The following HSPG2 variants were observed in gnomAD, a reference collection of about 807,000 sequenced individuals.
HSPG2 encodes the protein basement membrane-specific heparan sulfate proteoglycan core protein.
HSPG2 carries 278 observed loss-of-function variants against 526.6 expected under a neutral mutation model. The ratio of observed to expected loss-of-function variants is 0.53; its 90% CI spans 0.48 to 0.58. The LOEUF (loss-of-function observed/expected upper bound fraction) is 0.58, where lower values mean the gene tolerates loss of function less well. HSPG2 is among the 20% of genes least tolerant of loss of function. HSPG2 has a pLI of 0.00. For synonymous variants in HSPG2, 2,465 were observed against 2,555.4 expected (o/e 0.96, Z 1.07); for missense variants, 5,354 against 6,099.5 (o/e 0.88, Z 4.07).
At chr1:21,875,261 A>G (rs921900305) in intron 25 of HSPG2, 12 of 599,568 alleles carry the variant, frequency 2.0e-5, no homozygotes, top group Non-Finnish European at 3.3e-5. Context: ...AGGCTGATAC[A>G]GGCTACAAGA....
intron 33 of HSPG2, among the ~76,000 whole-genome samples, chr1:21,871,649 C>G (rs1640661442): frequency 6.6e-6 from 1 of 152,152 alleles, no homozygotes; most frequent in Admixed American, 6.5e-5. Context: ...TTACCAAGCC[C>G]CTCTTGCCTT....
rs1237529428 is a variant in HSPG2 at position 21,872,409 on chromosome 1, T to A, written c.4030-32A>T. The A allele has an allele frequency of 6.5e-7, 1 of 1,538,664 alleles. No homozygotes were observed. The highest frequency in any genetic ancestry group is 2.0e-5 in the Admixed American group (1 of 51,018). On this transcript the variant is annotated intron_variant, in intron 32 of 96. Transcript: ENST00000374695. This position sits in a 1 kb window ranked among gnomAD's most constrained non-coding sequence, Gnocchi z 5.5. ...GGGGAAAAAGGAGGGGGCGTCAGCC[T>A]GAGCACCGGGGTGCCTTGGTGGGGG...
In HSPG2 at chr1:21,834,750, G is replaced by A. The variant is rs777977385; in HGVS notation, c.10649C>T (p.Ala3550Val). The change falls in exon 77 of 97, where the codon GCG (alanine) becomes GTG (valine). Residue 3550 changes from alanine (A) to valine (V), a missense_variant. Physicochemically the swap from Ala to Val is moderately conservative, Grantham distance 64. Coordinates refer to ENST00000374695, the MANE Select transcript of HSPG2 (RefSeq NM_005529.7). ...VRIAHVELAD[A>V]GQYRCTATNA... Reference sequence around the variant, plus strand: ...GGTGGCAGTGCAGCGATACTGTCCCGCATCAGCCAGCTCTACGTGGGCGAT... The same window carrying A: ...GGTGGCAGTGCAGCGATACTGTCCCACATCAGCCAGCTCTACGTGGGCGAT... 23 of 1,614,046 alleles carry A rather than the reference G, an allele frequency of 1.4e-5. No individual in the cohort carries two copies. Among genetic ancestry groups the A allele is most frequent in the South Asian group, 3.3e-5 (3 of 91,092 alleles).
intron 13 of HSPG2, among the ~76,000 whole-genome samples, chr1:21,882,610 G>A (rs1283067959): frequency 6.6e-6 from 1 of 152,144 alleles, no homozygotes; most frequent in East Asian, 1.9e-4. Context: ...GCCATTAAAA[G>A]TAATGGTACC....
chr1:21,899,644 G>A (rs1365135114), intron 1 of HSPG2, among the ~76,000 whole-genome samples: 2 of 152,188 alleles, frequency 1.3e-5, no homozygotes, highest in African/African-American at 4.8e-5. Flanking sequence ...ATCACTGGGA[G>A]TCACTCTTGC....
chr1:21,917,158 G>C (rs576252018), intron 1 of HSPG2, among the ~76,000 whole-genome samples: 1 of 152,016 alleles, frequency 6.6e-6, no homozygotes, highest in Non-Finnish European at 1.5e-5. Flanking sequence ...ATGGCTGGGC[G>C]CGGTGGCACA....
At position 21,890,861 on chromosome 1, in the gene HSPG2, G is replaced by A. The variant is rs1032300619; in HGVS notation, c.245-167C>T. 6.6e-6 allele frequency among the ~76,000 whole-genome samples: 1 copy of A among 152,218 alleles called. No homozygotes were observed. The highest frequency in any genetic ancestry group is 6.5e-5 in the Admixed American group (1 of 15,288). ...CCCAGGACTGCCTGTAGGTATACAT[G>A]CTCAGGGGTCAATGCCAAGGCCCCA... On this transcript the variant is annotated intron_variant, in intron 3 of 96. Coordinates refer to ENST00000374695, the MANE Select transcript of HSPG2 (RefSeq NM_005529.7). This position sits in a 1 kb window ranked among gnomAD's most constrained non-coding sequence, Gnocchi z 4.1.
At chr1:21,921,063 G>A (rs1644025555) in intron 1 of HSPG2, among the ~76,000 whole-genome samples, 1 of 152,194 alleles carries the variant, frequency 6.6e-6, no homozygotes, top group Non-Finnish European at 1.5e-5. Flanking sequence ...TATAACAATT[G>A]CTGCCATTCC....
chr1:21,929,622 CAA>C (rs1019234543), intron 1 of HSPG2, among the ~76,000 whole-genome samples: 8 of 135,698 alleles, frequency 5.9e-5, no homozygotes, highest in African/African-American at 1.9e-4. Context: ...ATTGTCCAAA[CAA>C]GAGATCGTAA....
intron 1 of HSPG2, among the ~76,000 whole-genome samples, chr1:21,917,568 T>C (rs1162553236): frequency 1.3e-5 from 2 of 152,214 alleles, no homozygotes; most frequent in Non-Finnish European, 2.9e-5. Context: ...GAATCTTCAA[T>C]GGCAAAAAAG....
rs369682924 is a variant in HSPG2, at chr1:21,852,044, A to G, written c.6870+44T>C. The stretch of plus-strand genomic sequence containing the variant: ...TCAGCCTAGGGGCCAGGATCCTGCA[A>G]CCCACTGTCCATGGCCCCGTCCCAC... On this transcript the variant is annotated intron_variant, in intron 53 of 96. Transcript: ENST00000374695. 2.3e-5 allele frequency: 37 copies of G among 1,611,738 alleles called. No homozygotes were observed. In the East Asian group the frequency reaches 5.6e-4, roughly 24 times the overall value.
In HSPG2 at chr1:21,854,834, C is replaced by T; in HGVS notation, c.6133+14G>A. The T allele has an allele frequency of 6.2e-7, 1 of 1,613,626 alleles. No individual in the cohort carries two copies. The highest frequency in any genetic ancestry group is 8.5e-7 in the Non-Finnish European group (1 of 1,179,812). On this transcript the variant is annotated intron_variant, in intron 48 of 96. Coordinates refer to ENST00000374695, the MANE Select transcript of HSPG2 (RefSeq NM_005529.7). The stretch of plus-strand genomic sequence containing the variant: ...CTTGCCCTCCCCACCCCTCCATTCC[C>T]AGAGAGTCCGTACCTGAAAGGACAA...
chr1:21,888,458 A>C (rs1270407606), intron 6 of HSPG2, among the ~76,000 whole-genome samples: 1 of 152,070 alleles, frequency 6.6e-6, no homozygotes. Context: ...TCCTTTAAAA[A>C]ATTTTTTTCT....
intron 1 of HSPG2, among the ~76,000 whole-genome samples, chr1:21,921,578 C>T (rs1644039897): frequency 6.6e-6 from 1 of 152,210 alleles, no homozygotes; most frequent in South Asian, 2.1e-4. Flanking sequence ...TGACATACCT[C>T]GGGTGCAACC....
intron 1 of HSPG2, among the ~76,000 whole-genome samples, chr1:21,924,991 T>C (rs1401670276): frequency 1.3e-5 from 2 of 152,186 alleles, no homozygotes; most frequent in Non-Finnish European, 2.9e-5. Context: ...TGGGCACTTA[T>C]AGCTTACGAG....
At position 21,854,924 on chromosome 1, in the gene HSPG2, G is replaced by A. The variant is rs201990135; in HGVS notation, c.6057C>T (p.Asp2019=). ...TGGCCACGCAGAGGTAGAAGCCGGC[G>A]TCAGCAGTCGTGATGGCTGGGATGA... ...TLLIPAITTA[D]AGFYLCVATS... is the part of the protein sequence containing the mutation. Residue 2019 remains aspartate, a synonymous_variant, in exon 48 of 97, where the codon GAC becomes GAT. Coordinates refer to ENST00000374695, the MANE Select transcript of HSPG2 (RefSeq NM_005529.7). 112 of 1,614,014 alleles carry A rather than the reference G, an allele frequency of 6.9e-5. No individual in the cohort carries two copies. The highest frequency in any genetic ancestry group is 3.3e-4 in the Middle Eastern group (2 of 6,080).
Position 21,824,366 on chromosome 1 carries a change from T to C in HSPG2, c.12755A>G (p.Glu4252Gly), listed in dbSNP as rs779272529. ...GATGAAGTCCTTGCCTTGGCCGGCC[T>C]CTCCCACCTCCTGCCAGGGAAGCAC... ...LLLWQGVEVG[E>G]AGQGKDFISL... The change falls in exon 94 of 97, where the codon GAG becomes GGG. Residue 4252 changes from glutamate to glycine, a missense_variant. Transcript: ENST00000374695. The surrounding 1 kb of genome is among the most constrained non-coding windows in gnomAD (Gnocchi z 5.9). 96 of 1,613,570 alleles carry C rather than the reference T, an allele frequency of 5.9e-5. No homozygotes were observed. Among genetic ancestry groups the C allele is most frequent in the Non-Finnish European group, 8.0e-5 (94 of 1,179,968 alleles).
Position 21,859,538 on chromosome 1 carries a change from C to T in HSPG2, c.5293+28G>A, listed in dbSNP as rs1319441346. ...TGCAGCCCAGCCCAGGACAGGCAGT[C>T]TTGGTTACAGGGGGCGTAGGGACTC... On this transcript the variant is annotated intron_variant, in intron 42 of 96. Coordinates refer to ENST00000374695, the MANE Select transcript of HSPG2 (RefSeq NM_005529.7). This position sits in a 1 kb window ranked among gnomAD's most constrained non-coding sequence, Gnocchi z 5.3. 5 of 1,524,164 alleles carry T rather than the reference C, an allele frequency of 3.3e-6. No individual in the cohort carries two copies. In the Middle Eastern group the frequency reaches 5.0e-4, roughly 154 times the overall value. 94.4% of individuals were successfully genotyped at this position (1,524,164 alleles called of 1,614,324 possible).
intron 6 of HSPG2, among the ~76,000 whole-genome samples, chr1:21,889,095 T>C (rs1295895638): frequency 1.3e-5 from 2 of 152,066 alleles, no homozygotes; most frequent in East Asian, 1.9e-4. Context: ...TTGGCTTTAA[T>C]TGAGGTGCGG....
Sources: allele counts gnomAD v4.1 joint callset (sites outside exome capture counted in the v4.1 genomes callset), GRCh38; gene constraint gnomAD v4.1.1; non-coding constraint Gnocchi (gnomAD v3.1); transcripts MANE v1.5; gene names NCBI Gene and HGNC (gene_info 2026-07-23, HGNC 2026-07-21).